Variants in PLCZ1 observed in about 807,000 individuals in gnomAD.
PLCZ1 encodes phospholipase C zeta 1, also known as 1-phosphatidylinositol 4,5-bisphosphate phosphodiesterase zeta-1.
Under a neutral mutation model 76.8 loss-of-function variants are expected in PLCZ1, and 64 were observed. The observed-to-expected ratio is 0.83, with a 90% CI of 0.68 to 1.03. The LOEUF (loss-of-function observed/expected upper bound fraction) is 1.03. Among genes scored for constraint, PLCZ1 ranks in the 50% least tolerant of loss-of-function variants. PLCZ1 has a pLI of 0.00. For synonymous variants in PLCZ1, 248 were observed against 230.8 expected (o/e 1.07, Z -0.68); for missense variants, 751 against 713.7 (o/e 1.05, Z -0.60).
At chr12:18,709,503 CT>C (rs1957037339) in intron 6 of PLCZ1, among the ~76,000 whole-genome samples, 1 of 146,030 alleles carries the variant, frequency 6.8e-6, no homozygotes, top group Non-Finnish European at 1.5e-5. Flanking sequence ...TATTTGAAGT[CT>C]TTTATCCTTC....
At chr12:18,656,111 G>A in the PLCZ1 span, among the ~76,000 whole-genome samples, 1 of 152,182 alleles carries the variant, frequency 6.6e-6, no homozygotes, top group Non-Finnish European at 1.5e-5. Flanking sequence ...AAGTAGGGAA[G>A]TCTAAAGTTC....
At chr12:18,707,768 T>A (rs1956790463) in intron 6 of PLCZ1, among the ~76,000 whole-genome samples, 1 of 152,290 alleles carries the variant, frequency 6.6e-6, no homozygotes, top group African/African-American at 2.4e-5. Flanking sequence ...TAATCTTATC[T>A]ATGCTGCAAA....
Position 18,701,706 on chromosome 12 carries a change from C to G in PLCZ1, c.935G>C (p.Gly312Ala), listed in dbSNP as rs756305954. The G allele has an allele frequency of 1.9e-6, 3 of 1,611,696 alleles. No homozygotes were observed. Among genetic ancestry groups the G allele is most frequent in the South Asian group, 1.1e-5 (1 of 90,910 alleles). Residue 312 changes from glycine to alanine, a missense_variant, in exon 8 of 15, where the codon GGT becomes GCT. Coordinates refer to ENST00000266505, the MANE Select transcript of PLCZ1 (RefSeq NM_033123.4). ...GTLKETHERK[G>A]SDKRGDNQDK... ...CTCCACCTTACCACGCTTATCAGAA[C>G]CTTTTCTTTCATGGGTTTCCTTTAA... is the stretch of plus-strand genomic sequence containing the variant.
intron 12 of PLCZ1, among the ~76,000 whole-genome samples, chr12:18,688,854 A>C (rs1481010487): frequency 6.6e-6 from 1 of 152,250 alleles, no homozygotes; most frequent in Admixed American, 6.5e-5. Flanking sequence ...GAGATAGAAG[A>C]TATAAGCCTA....
chr12:18,687,275 A>G (rs138773822), intron 13 of PLCZ1, among the ~76,000 whole-genome samples: 141 of 152,250 alleles, frequency 9.3e-4, no homozygotes, highest in Admixed American at 1.6e-3. Context: ...TTATCCAAGA[A>G]GAAAAAGAAA....
At chr12:18,655,372 T>C in the PLCZ1 span, among the ~76,000 whole-genome samples, 1 of 152,020 alleles carries the variant, frequency 6.6e-6, no homozygotes, top group Non-Finnish European at 1.5e-5. Context: ...GCCTGAAGTA[T>C]AAAATAGTTA....
chr12:18,719,447 G>A lies in PLCZ1; in HGVS notation c.553C>T (p.Leu185Phe), dbSNP rs755975788. Residue 185 changes from leucine to phenylalanine, a missense_variant, in exon 5 of 15, where the codon CTT (leucine) becomes TTT (phenylalanine). Physicochemically the swap from Leu to Phe is conservative, Grantham distance 22 (BLOSUM62 0). Transcript: ENST00000266505. Reference protein sequence around the residue: ...VSDQLLGPSDLWGYVSALVKG... With the variant: ...VSDQLLGPSDFWGYVSALVKG... ...AATAAATACCTTACATATCCCCAAA[G>A]GTCACTTGGTCCCAATAATTGATCA... The A allele has an allele frequency of 6.6e-7, 1 of 1,523,858 alleles. No homozygotes were observed. The highest frequency in any genetic ancestry group is 8.9e-7 in the Non-Finnish European group (1 of 1,129,120). 94.4% of individuals were successfully genotyped at this position (1,523,858 alleles called of 1,614,324 possible).
intron 3 of PLCZ1, among the ~76,000 whole-genome samples, chr12:18,733,177 T>C (rs145277429): frequency 1.1e-4 from 16 of 152,220 alleles, no homozygotes; most frequent in Non-Finnish European, 2.1e-4. Flanking sequence ...GCTCATGTGA[T>C]TTGATTTGCA....
chr12:18,682,889 T>G (rs1266682777), downstream of PLCZ1, among the ~76,000 whole-genome samples: 1 of 152,058 alleles, frequency 6.6e-6, no homozygotes, highest in African/African-American at 2.4e-5. Context: ...TTCACATTTC[T>G]TTTATACTGC....
chr12:18,700,473 G>C (rs1449689482), intron 9 of PLCZ1, among the ~76,000 whole-genome samples: 5 of 128,338 alleles, frequency 3.9e-5, no homozygotes, highest in African/African-American at 1.5e-4. Flanking sequence ...ACAGTAATTG[G>C]TTCTGGGATG....
chr12:18,695,044 C>T lies in PLCZ1; in HGVS notation c.1327G>A (p.Asp443Asn), dbSNP rs868835001. ...LNFQTPGLPM[D>N]LQNGKFLDNG... is the part of the protein sequence containing the mutation. ...TCCAAAAATTTCCCATTTTGCAGAT[C>T]CATGGGCAGACCAGGGGTCTGGAAA... The change falls in exon 12 of 15, where the codon GAT (aspartate) becomes AAT (asparagine). Residue 443 changes from aspartate (D) to asparagine (N), a missense_variant. Coordinates refer to ENST00000266505, the MANE Select transcript of PLCZ1 (RefSeq NM_033123.4). The T allele has an allele frequency of 1.2e-6, 2 of 1,613,098 alleles. No individual in the cohort carries two copies. Among genetic ancestry groups the T allele is most frequent in the Non-Finnish European group, 1.7e-6 (2 of 1,179,358 alleles).
At chr12:18,662,766 T>C in the PLCZ1 span, among the ~76,000 whole-genome samples, 1 of 152,108 alleles carries the variant, frequency 6.6e-6, no homozygotes, top group Non-Finnish European at 1.5e-5. Flanking sequence ...GAAGTTAAGC[T>C]GTTATAAAAT....
the PLCZ1 span, among the ~76,000 whole-genome samples, chr12:18,657,393 GGCT>G: frequency 6.6e-6 from 1 of 152,126 alleles, no homozygotes; most frequent in Non-Finnish European, 1.5e-5. Context: ...TCTTGTCACT[GGCT>G]GACCCTCAGG....
At chr12:18,666,786 C>T in the PLCZ1 span, among the ~76,000 whole-genome samples, 3 of 152,142 alleles carry the variant, frequency 2.0e-5, no homozygotes, top group East Asian at 5.8e-4. Context: ...GAAACATTCT[C>T]CAGGATAGAC....
At chr12:18,691,102 A>ATAG (rs1383319105) in intron 12 of PLCZ1, among the ~76,000 whole-genome samples, 1 of 152,152 alleles carries the variant, frequency 6.6e-6, no homozygotes, top group Admixed American at 6.6e-5. Context: ...GCAGCAAAAT[A>ATAG]GGTCAGATCA....
At chr12:18,687,148 T>C (rs1034480553) in intron 13 of PLCZ1, among the ~76,000 whole-genome samples, 2 of 152,124 alleles carry the variant, frequency 1.3e-5, no homozygotes, top group African/African-American at 2.4e-5. Flanking sequence ...ATTGATAACA[T>C]AGGATAAGGC....
At chr12:18,668,812 C>T in the PLCZ1 span, among the ~76,000 whole-genome samples, 5 of 152,286 alleles carry the variant, frequency 3.3e-5, no homozygotes, top group South Asian at 6.2e-4. Flanking sequence ...AGCTCTGATA[C>T]ATATCTACTC....
intron 11 of PLCZ1, among the ~76,000 whole-genome samples, chr12:18,695,549 T>C (rs1452793776): frequency 6.6e-6 from 1 of 152,114 alleles, no homozygotes; most frequent in Non-Finnish European, 1.5e-5. Flanking sequence ...TATAGCCTGG[T>C]AAATAGCCAC....
intron 5 of PLCZ1, 109 bp from the exon 6 acceptor site, chr12:18,713,095 G>A: frequency 1.4e-6 from 2 of 1,406,944 alleles, no homozygotes; most frequent in East Asian, 2.5e-5. Context: ...ATGCATAAAT[G>A]AGTCCATAAA....
Sources: allele counts gnomAD v4.1 joint callset (sites outside exome capture counted in the v4.1 genomes callset), GRCh38; gene constraint gnomAD v4.1.1; transcripts MANE v1.5; gene names NCBI Gene and HGNC (gene_info 2026-07-23, HGNC 2026-07-21).